FAR2: variants seen among roughly 807,000 people sequenced by gnomAD.
FAR2 encodes the protein epididymis secretory protein Li 81.
A neutral mutation model predicts 56.0 loss-of-function variants in FAR2; 19 were observed. The ratio of observed to expected loss-of-function variants is 0.34; its 90% CI spans 0.24 to 0.50. The LOEUF is 0.50. FAR2 is among the 20% of genes least tolerant of loss of function. The pLI, the probability that FAR2 is intolerant of heterozygous loss-of-function variation, is 0.98. For synonymous variants in FAR2, 219 were observed against 218.8 expected (o/e 1.00, Z -0.01); for missense variants, 508 against 642.2 (o/e 0.79, Z 2.26).
chr12:29,200,462 A>G (rs1947393180), intron 1 of FAR2, among the ~76,000 whole-genome samples: 1 of 152,204 alleles, frequency 6.6e-6, no homozygotes, highest in Non-Finnish European at 1.5e-5. Flanking sequence ...AAAGTATTCG[A>G]CAATCAGTCT....
At chr12:29,309,389 C>A (rs12311282) in intron 6 of FAR2, among the ~76,000 whole-genome samples, 159 bp downstream of exon 6, 2,452 of 152,158 alleles carry the variant, frequency 0.016, 65 homozygotes, top group African/African-American at 0.05. Flanking sequence ...AATATACAGG[C>A]AGGATGAAAT....
chr12:29,288,543 T>G (rs766270811), intron 2 of FAR2, among the ~76,000 whole-genome samples: 7 of 152,174 alleles, frequency 4.6e-5, no homozygotes, highest in Non-Finnish European at 1.0e-4. Context: ...AAGAAAATTT[T>G]TTTTAGAAGA....
At chr12:29,202,747 A>T (rs530832987) in intron 1 of FAR2, among the ~76,000 whole-genome samples, 1 of 152,246 alleles carries the variant, frequency 6.6e-6, no homozygotes, top group East Asian at 1.9e-4. Context: ...CTCTCTCTCC[A>T]TGTGAGACAC....
chr12:29,208,711 G>A (rs1471898093), intron 1 of FAR2, among the ~76,000 whole-genome samples: 1 of 152,110 alleles, frequency 6.6e-6, no homozygotes, highest in Non-Finnish European at 1.5e-5. Flanking sequence ...TATAAAATAT[G>A]AGCTAATTAG....
chr12:29,261,248 A>G (rs1025298453), intron 1 of FAR2, among the ~76,000 whole-genome samples: 3 of 152,346 alleles, frequency 2.0e-5, no homozygotes, highest in African/African-American at 7.2e-5. Context: ...ATAATTAAAG[A>G]ATCAAGCAGA....
chr12:29,215,438 C>T (rs1333439476), intron 1 of FAR2, among the ~76,000 whole-genome samples: 1 of 152,064 alleles, frequency 6.6e-6, no homozygotes, highest in African/African-American at 2.4e-5. Context: ...GGTTAAGCTC[C>T]CGTAGTCACA....
intron 1 of FAR2, among the ~76,000 whole-genome samples, chr12:29,230,929 C>T (rs1947848820): frequency 6.6e-6 from 1 of 152,100 alleles, no homozygotes; most frequent in African/African-American, 2.4e-5. Flanking sequence ...TAGAGTTTGT[C>T]ATATTTGATG....
intron 2 of FAR2, among the ~76,000 whole-genome samples, chr12:29,273,947 C>G (rs899657166): frequency 3.3e-5 from 5 of 152,218 alleles, no homozygotes; most frequent in African/African-American, 1.2e-4. Context: ...GCTCTTCCTT[C>G]TCTTGGTGGG....
At chr12:29,328,058 G>GA (rs1230398523) in intron 10 of FAR2, among the ~76,000 whole-genome samples, 5 of 151,880 alleles carry the variant, frequency 3.3e-5, no homozygotes, top group African/African-American at 4.8e-5. Flanking sequence ...AAATTTACAA[G>GA]AAAAAAACAA....
intron 1 of FAR2, among the ~76,000 whole-genome samples, chr12:29,249,822 C>T (rs1343689964): frequency 1.3e-5 from 2 of 152,240 alleles, no homozygotes; most frequent in East Asian, 3.9e-4. Flanking sequence ...TTCTAAGGTA[C>T]AAGACATGAT....
intron 1 of FAR2, among the ~76,000 whole-genome samples, chr12:29,184,178 A>T (rs1591836928): frequency 6.6e-6 from 1 of 152,192 alleles, no homozygotes; most frequent in Non-Finnish European, 1.5e-5. Context: ...TCTATAAAGG[A>T]CCTTACATAA....
intron 1 of FAR2, among the ~76,000 whole-genome samples, chr12:29,227,724 A>T (rs894410060): frequency 6.6e-6 from 1 of 152,186 alleles, no homozygotes; most frequent in Non-Finnish European, 1.5e-5. Flanking sequence ...TAAAAGCAGC[A>T]TTCTCTTGAC....
chr12:29,279,406 A>G (rs1948751057), intron 2 of FAR2, among the ~76,000 whole-genome samples: 1 of 152,136 alleles, frequency 6.6e-6, no homozygotes, highest in African/African-American at 2.4e-5. Flanking sequence ...GTCATCCTCT[A>G]CCCTGTTAAT....
intron 1 of FAR2, among the ~76,000 whole-genome samples, chr12:29,242,110 C>A (rs1289271509): frequency 6.6e-6 from 1 of 152,146 alleles, no homozygotes; most frequent in Non-Finnish European, 1.5e-5. Context: ...AGGAGTCACA[C>A]CAGTGTGACA....
chr12:29,272,030 A>G (rs1457799044), intron 2 of FAR2, among the ~76,000 whole-genome samples: 1 of 152,160 alleles, frequency 6.6e-6, no homozygotes, highest in African/African-American at 2.4e-5. Flanking sequence ...ATGACATAGA[A>G]CCAAAACCTA....
intron 4 of FAR2, among the ~76,000 whole-genome samples, chr12:29,301,028 TC>T (rs1949155000): frequency 6.6e-6 from 1 of 151,852 alleles, no homozygotes; most frequent in Non-Finnish European, 1.5e-5. Flanking sequence ...CTCATTCAGC[TC>T]CCCCCATTTT....
At chr12:29,305,466 C>A (rs1055257781) in intron 4 of FAR2, among the ~76,000 whole-genome samples, 1 of 152,126 alleles carries the variant, frequency 6.6e-6, no homozygotes, top group African/African-American at 2.4e-5. Flanking sequence ...CTAACTATTA[C>A]CTACAAAGAT....
chr12:29,263,118 G>A (rs1376602160), intron 1 of FAR2, among the ~76,000 whole-genome samples: 2 of 152,048 alleles, frequency 1.3e-5, no homozygotes, highest in Non-Finnish European at 2.9e-5. Context: ...AAATATATAT[G>A]CACCCAACAC....
At chr12:29,236,867 G>A (rs1418342476) in intron 1 of FAR2, among the ~76,000 whole-genome samples, 1 of 151,946 alleles carries the variant, frequency 6.6e-6, no homozygotes, top group Non-Finnish European at 1.5e-5. Flanking sequence ...GAGCAACAGA[G>A]CATCAACCCC....
Sources: gnomAD v4.1 joint callset for allele counts (sites outside exome capture counted in the v4.1 genomes callset) on GRCh38, gnomAD v4.1.1 for gene constraint, MANE v1.5 for transcripts, NCBI Gene and HGNC (gene_info 2026-07-23, HGNC 2026-07-21) for gene names.